ARHGAP17: variants seen among roughly 807,000 people sequenced by gnomAD.
The protein encoded by ARHGAP17 is rho GTPase-activating protein 17.
ARHGAP17 carries 57 observed loss-of-function variants against 99.5 expected under a neutral mutation model. That is an observed-to-expected ratio of 0.57 (90% CI 0.46 to 0.71). The LOEUF is 0.71. ARHGAP17 is among the 30% of genes least tolerant of loss of function. The pLI is 0.00. For synonymous variants in ARHGAP17, 417 were observed against 429.6 expected, an observed-to-expected ratio of 0.97 and a Z score of 0.36; for missense variants, 1,000 against 1,122.4, an observed-to-expected ratio of 0.89 and a Z score of 1.56.
chr16:24,957,707 C>T (rs2051853514), intron 9 of ARHGAP17, among the ~76,000 whole-genome samples: 1 of 151,994 alleles, frequency 6.6e-6, no homozygotes, highest in South Asian at 2.1e-4. Context: ...CACAAGAGTG[C>T]AAAGGATTCA....
chr16:24,953,104 G>A (rs1441746530), intron 10 of ARHGAP17, 62 bp from the exon 11 acceptor site: 1 of 1,480,292 alleles, frequency 6.8e-7, no homozygotes, highest in Admixed American at 1.7e-5. Flanking sequence ...CTAAGTGGCA[G>A]TGTGTTCTGA....
At chr16:24,972,697 T>C (rs2052401414) in intron 3 of ARHGAP17, 1 of 152,152 alleles carries the variant, frequency 6.6e-6, no homozygotes, top group Non-Finnish European at 1.5e-5. Flanking sequence ...TCTAGGAGTC[T>C]ATGGAAAAAA....
chr16:24,992,061 G>A (rs2053058788), intron 1 of ARHGAP17, among the ~76,000 whole-genome samples: 1 of 152,164 alleles, frequency 6.6e-6, no homozygotes. Context: ...AAGGTTTGGG[G>A]AGGAGTGTGT....
chr16:24,944,269 C>CA (rs68043853), intron 14 of ARHGAP17, among the ~76,000 whole-genome samples: 8,636 of 89,446 alleles, frequency 0.097, 742 homozygotes, highest in African/African-American at 0.23. Flanking sequence ...AACTCTGTCT[C>CA]AAAAAAAAAA....
chr16:24,988,667 A>ATT (rs1567256419), intron 1 of ARHGAP17, among the ~76,000 whole-genome samples: 1 of 152,200 alleles, frequency 6.6e-6, no homozygotes, highest in Non-Finnish European at 1.5e-5. Context: ...TTTCCTGCAC[A>ATT]TGTAAGCTTA....
chr16:25,008,656 C>A (rs1392331483), intron 1 of ARHGAP17, among the ~76,000 whole-genome samples: 2 of 152,198 alleles, frequency 1.3e-5, no homozygotes, highest in African/African-American at 4.8e-5. Context: ...GACTGCAGCG[C>A]CCTAGGCCAT....
At chr16:24,975,635 A>G (rs1597439256) in intron 3 of ARHGAP17, among the ~76,000 whole-genome samples, 2 of 152,252 alleles carry the variant, frequency 1.3e-5, no homozygotes, top group Non-Finnish European at 1.5e-5. Context: ...GTGCCCCATA[A>G]AAGTCTGTAG....
At chr16:25,012,201 G>A (rs2053660419) in intron 1 of ARHGAP17, among the ~76,000 whole-genome samples, 1 of 152,146 alleles carries the variant, frequency 6.6e-6, no homozygotes, top group African/African-American at 2.4e-5. Flanking sequence ...TCTTCTTTGG[G>A]ACACTCACAC....
chr16:24,991,311 G>A (rs1042633333), intron 1 of ARHGAP17, among the ~76,000 whole-genome samples: 4 of 152,142 alleles, frequency 2.6e-5, no homozygotes, highest in Non-Finnish European at 4.4e-5. Context: ...AACGTGTTTC[G>A]TGGCACCTAG....
chr16:24,960,028 A>C (rs2051938363), intron 7 of ARHGAP17, 49 bp from the exon 8 acceptor site: 2 of 1,569,004 alleles, frequency 1.3e-6, no homozygotes, highest in Admixed American at 3.4e-5. Flanking sequence ...GAAGTGAAAC[A>C]AAATGGCATC....
intron 1 of ARHGAP17, among the ~76,000 whole-genome samples, chr16:25,008,812 GTTCA>G (rs2053571418): frequency 6.6e-6 from 1 of 152,098 alleles, no homozygotes; most frequent in Non-Finnish European, 1.5e-5. Flanking sequence ...TTTTCTACTG[GTTCA>G]TCATTTTTAT....
chr16:24,952,232 G>T, intron 12 of ARHGAP17, 57 bp downstream of exon 12: 5 of 1,320,406 alleles, frequency 3.8e-6, no homozygotes, highest in South Asian at 1.3e-5. Context: ...TTGCAAATAG[G>T]GCACAATATC....
intron 7 of ARHGAP17, 54 bp downstream of exon 7, chr16:24,964,143 T>C: frequency 8.4e-7 from 1 of 1,190,794 alleles, no homozygotes; most frequent in South Asian, 1.6e-5. Flanking sequence ...ATTTGAACTT[T>C]CATCCCTCAT....
intron 16 of ARHGAP17, 107 bp downstream of exon 16, chr16:24,941,880 G>T: frequency 6.7e-7 from 1 of 1,485,640 alleles, no homozygotes; most frequent in Non-Finnish European, 9.3e-7. Context: ...ATCAGTCATG[G>T]GTGGATGGCG....
At position 24,978,990 on chromosome 16, in the gene ARHGAP17, T is replaced by C; in HGVS notation, c.69A>G (p.Glu23=). 6.3e-7 allele frequency: 1 copy of C among 1,593,656 alleles called. No individual in the cohort carries two copies. Among genetic ancestry groups the C allele is most frequent in the South Asian group, 1.2e-5 (1 of 86,630 alleles). ...NQTVGRAEKT[E]VLSEDLLQIE... Reference sequence around the variant, plus strand: ...CCTGTAATAGATCTTCACTAAGGACTTCTGTTTTCTCAGCTCTGTGGGAAA... The same window carrying C: ...CCTGTAATAGATCTTCACTAAGGACCTCTGTTTTCTCAGCTCTGTGGGAAA... Residue 23 remains glutamate (E), a synonymous_variant, in exon 2 of 20, where the codon GAA becomes GAG. Coordinates refer to ENST00000289968, the MANE Select transcript of ARHGAP17 (RefSeq NM_001006634.3).
chr16:25,000,832 T>C (rs1215289753), intron 1 of ARHGAP17, among the ~76,000 whole-genome samples: 1 of 152,206 alleles, frequency 6.6e-6, no homozygotes, highest in African/African-American at 2.4e-5. Context: ...CTACTACAAA[T>C]TCAGCATTCT....
intron 1 of ARHGAP17, 122 bp downstream of exon 1, chr16:25,015,087 C>T: frequency 9.9e-7 from 1 of 1,012,184 alleles, no homozygotes; most frequent in Non-Finnish European, 1.2e-6. Flanking sequence ...CCCCGCTGGT[C>T]TCGGGCAGGG....
intron 19 of ARHGAP17, among the ~76,000 whole-genome samples, chr16:24,928,797 G>A (rs2050907015): frequency 6.6e-6 from 1 of 152,208 alleles, no homozygotes; most frequent in South Asian, 2.1e-4. Context: ...AGACTTAGAT[G>A]AGCTCACAGT....
intron 1 of ARHGAP17, chr16:25,013,921 G>A (rs1429653426): frequency 1.3e-5 from 2 of 152,116 alleles, no homozygotes; most frequent in African/African-American, 4.8e-5. Flanking sequence ...ATTACCACAC[G>A]TCTACCTTCC....
Sources: gnomAD v4.1 joint callset for allele counts (sites outside exome capture counted in the v4.1 genomes callset) on GRCh38, gnomAD v4.1.1 for gene constraint, MANE v1.5 for transcripts, NCBI Gene and HGNC (gene_info 2026-07-23, HGNC 2026-07-21) for gene names.